FOXJ3: variants seen among roughly 807,000 people sequenced by gnomAD.
FOXJ3 encodes forkhead box protein J3.
Under a neutral mutation model 76.1 loss-of-function variants are expected in FOXJ3, and 22 were observed. The ratio of observed to expected loss-of-function variants is 0.29; its 90% CI spans 0.21 to 0.41. The LOEUF (loss-of-function observed/expected upper bound fraction) is 0.41, where lower values mean the gene tolerates loss of function less well. Ranked by LOEUF, FOXJ3 falls within the 10% of genes least tolerant of loss-of-function variation. The pLI is 1.00. For synonymous variants in FOXJ3, 269 were observed against 261.2 expected (o/e 1.03, Z -0.29); for missense variants, 613 against 762.1 (o/e 0.80, Z 2.30).
intron 4 of FOXJ3, among the ~76,000 whole-genome samples, chr1:42,232,447 T>G (rs1248051490): frequency 6.7e-6 from 1 of 149,288 alleles, no homozygotes; most frequent in African/African-American, 2.5e-5. Context: ...CTCCACATCC[T>G]CTCCAGCACC....
rs181982267 is a variant in FOXJ3, at chr1:42,251,209, C to T, written c.444+13906G>A. 2.0e-5 allele frequency among the ~76,000 whole-genome samples: 3 copies of T among 152,078 alleles called. No individual in the cohort carries two copies. The East Asian group carries it at 5.8e-4, about 29-fold the overall frequency. On this transcript the variant is annotated intron_variant, in intron 4 of 12. Transcript: ENST00000361346. ...CAAAAGTGACAGGGGTTTGGGGGTG[C>T]AACACTCATTACATATAGAAGAATA... is the stretch of plus-strand genomic sequence containing the variant.
chr1:42,229,901 A>G (rs979582018), intron 4 of FOXJ3, among the ~76,000 whole-genome samples: 2 of 152,238 alleles, frequency 1.3e-5, no homozygotes, highest in Non-Finnish European at 2.9e-5. Context: ...AAATTCCAGC[A>G]TTTAGTTTTG....
chr1:42,301,523 T>C (rs1227181615), intron 2 of FOXJ3, among the ~76,000 whole-genome samples: 1 of 152,152 alleles, frequency 6.6e-6, no homozygotes, highest in East Asian at 1.9e-4. Flanking sequence ...ATTTTACTTC[T>C]TTTTTTCTTT....
At chr1:42,216,274 T>C (rs1647063963) in intron 5 of FOXJ3, among the ~76,000 whole-genome samples, 1 of 151,836 alleles carries the variant, frequency 6.6e-6, no homozygotes, top group African/African-American at 2.4e-5. Context: ...ATCCCAGCAC[T>C]TTGGGAGGCC....
chr1:42,328,219 C>A (rs1235420092), intron 1 of FOXJ3, among the ~76,000 whole-genome samples: 1 of 152,162 alleles, frequency 6.6e-6, no homozygotes, highest in Non-Finnish European at 1.5e-5. Context: ...TCGCTTGAGC[C>A]CTGCAGTTGG....
intron 7 of FOXJ3, among the ~76,000 whole-genome samples, chr1:42,195,767 T>C (rs1387158708): frequency 6.6e-6 from 1 of 152,348 alleles, no homozygotes; most frequent in East Asian, 1.9e-4. Context: ...ATAAGGAGTC[T>C]GCAATAACGT....
chr1:42,251,698 T>G (rs934374868), intron 4 of FOXJ3, among the ~76,000 whole-genome samples: 3 of 140,710 alleles, frequency 2.1e-5, no homozygotes, highest in Admixed American at 8.1e-5. Flanking sequence ...TGGATTCGGT[T>G]TGCCAGTATT....
At chr1:42,300,714 C>T (rs553633623) in intron 2 of FOXJ3, among the ~76,000 whole-genome samples, 7 of 152,262 alleles carry the variant, frequency 4.6e-5, no homozygotes, top group South Asian at 2.1e-4. Flanking sequence ...GAGGTAAAGG[C>T]TGTGGTGAGC....
chr1:42,254,983 AAAG>A (rs1020216001), intron 4 of FOXJ3, among the ~76,000 whole-genome samples: 4 of 152,092 alleles, frequency 2.6e-5, no homozygotes, highest in African/African-American at 9.7e-5. Flanking sequence ...TAAAAAAAGA[AAAG>A]AAAAAAAAAA....
At chr1:42,295,116 T>C (rs986167058) in intron 2 of FOXJ3, among the ~76,000 whole-genome samples, 16 of 152,224 alleles carry the variant, frequency 1.1e-4, no homozygotes, top group Non-Finnish European at 1.5e-4. Flanking sequence ...TACATGGGTA[T>C]ATTGCATATT....
chr1:42,253,880 T>C (rs1432879386), intron 4 of FOXJ3, among the ~76,000 whole-genome samples: 2 of 151,936 alleles, frequency 1.3e-5, no homozygotes, highest in Non-Finnish European at 1.5e-5. Context: ...ACCTAGGCAT[T>C]ACCATTCAGG....
intron 1 of FOXJ3, among the ~76,000 whole-genome samples, chr1:42,324,784 C>T (rs146410222): frequency 6.6e-6 from 1 of 152,256 alleles, no homozygotes; most frequent in Non-Finnish European, 1.5e-5. Context: ...CTGTATAGGA[C>T]ACTTAACAAT....
intron 6 of FOXJ3, among the ~76,000 whole-genome samples, chr1:42,201,730 A>G (rs748602963): frequency 6.6e-6 from 1 of 152,216 alleles, no homozygotes; most frequent in Non-Finnish European, 1.5e-5. Flanking sequence ...TGATGGTTTC[A>G]TAATATAAAT....
At chr1:42,206,299 G>T (rs1465826475) in intron 5 of FOXJ3, among the ~76,000 whole-genome samples, 1 of 152,210 alleles carries the variant, frequency 6.6e-6, no homozygotes, top group Non-Finnish European at 1.5e-5. Flanking sequence ...GAGCAGGAGT[G>T]ATGTGTGCCA....
chr1:42,282,550 C>T (rs1252214928), intron 2 of FOXJ3, among the ~76,000 whole-genome samples: 1 of 152,122 alleles, frequency 6.6e-6, no homozygotes, highest in African/African-American at 2.4e-5. Context: ...GCTTTCTACC[C>T]TCACCTCCTC....
chr1:42,191,324 G>T lies in FOXJ3; in HGVS notation c.1330C>A (p.Gln444Lys). Residue 444 changes from glutamine to lysine, a missense_variant, in exon 9 of 13, where the codon CAA becomes AAA. Physicochemically the swap from Gln to Lys is moderately conservative, Grantham distance 53 (BLOSUM62 1). Transcript: ENST00000361346. Reference protein sequence around the residue: ...TLTHQAPPPPQQVSCNSGVSN... With the variant: ...TLTHQAPPPPKQVSCNSGVSN... ...TTACCAGAATTACAGGATACCTGTT[G>T]TGGGGGTGGGGGTGCCTGATGTGTT... The T allele has an allele frequency of 6.5e-7, 1 of 1,547,966 alleles. No individual in the cohort carries two copies. Among genetic ancestry groups the T allele is most frequent in the South Asian group, 1.2e-5 (1 of 81,282 alleles).
chr1:42,213,686 A>G (rs1282748022), intron 5 of FOXJ3, among the ~76,000 whole-genome samples: 1 of 152,216 alleles, frequency 6.6e-6, no homozygotes, highest in Non-Finnish European at 1.5e-5. Context: ...GTATTATGCT[A>G]AGTGAAATAA....
At chr1:42,215,052 T>C (rs1267498239) in intron 5 of FOXJ3, among the ~76,000 whole-genome samples, 1 of 152,092 alleles carries the variant, frequency 6.6e-6, no homozygotes, top group African/African-American at 2.4e-5. Context: ...CCAGAGTCTA[T>C]AAAAACATAA....
intron 5 of FOXJ3, among the ~76,000 whole-genome samples, chr1:42,216,378 C>T (rs1210729890): frequency 2.0e-5 from 3 of 151,654 alleles, no homozygotes; most frequent in African/African-American, 4.8e-5. Context: ...ATTAGCCGGG[C>T]GTGGTAGCGG....
Sources: allele counts gnomAD v4.1 joint callset (sites outside exome capture counted in the v4.1 genomes callset), GRCh38; gene constraint gnomAD v4.1.1; transcripts MANE v1.5; gene names NCBI Gene and HGNC (gene_info 2026-07-23, HGNC 2026-07-21).